The following SEC23B variants were observed in gnomAD, a reference collection of about 807,000 sequenced individuals.
SEC23B encodes the protein SEC23 homolog B, COPII component, also known as protein transport protein Sec23B.
SEC23B carries 77 observed loss-of-function variants against 104.3 expected under a neutral mutation model. That is an observed-to-expected ratio of 0.74 (90% CI 0.61 to 0.89). The LOEUF (loss-of-function observed/expected upper bound fraction) is 0.89, where lower values mean the gene tolerates loss of function less well. SEC23B is among the 40% of genes least tolerant of loss of function. The pLI is 0.00. For missense variants in SEC23B, 885 were observed against 949.4 expected (o/e 0.93, Z 0.89); for synonymous variants, 338 against 332.5 (o/e 1.02, Z -0.18).
chr20:18,523,198 G>T (rs1280931580), intron 4 of SEC23B, among the ~76,000 whole-genome samples: 1 of 152,004 alleles, frequency 6.6e-6, no homozygotes, highest in East Asian at 1.9e-4. Context: ...CCCAGTATCT[G>T]CTAGTGTCCT....
At chr20:18,537,974 C>T (rs1879311411) in intron 12 of SEC23B, among the ~76,000 whole-genome samples, 1 of 151,696 alleles carries the variant, frequency 6.6e-6, no homozygotes, top group Non-Finnish European at 1.5e-5. Flanking sequence ...AAGTCTTGTT[C>T]TATCACCCAG....
chr20:18,534,636 C>T (rs1228105037), intron 11 of SEC23B, among the ~76,000 whole-genome samples: 1 of 152,236 alleles, frequency 6.6e-6, no homozygotes, highest in African/African-American at 2.4e-5. Flanking sequence ...GAGTGTGTAG[C>T]ACAATATGAA....
At chr20:18,534,814 G>A (rs2060213552) in intron 11 of SEC23B, among the ~76,000 whole-genome samples, 1 of 152,178 alleles carries the variant, frequency 6.6e-6, no homozygotes, top group African/African-American at 2.4e-5. Context: ...GTGTATCAGT[G>A]AGAAAATGAT....
At chr20:18,555,330 A>G (rs1966926296) in intron 19 of SEC23B, among the ~76,000 whole-genome samples, 157 bp downstream of exon 19, 1 of 152,096 alleles carries the variant, frequency 6.6e-6, no homozygotes, top group African/African-American at 2.4e-5. Flanking sequence ...AACAAGTTGA[A>G]TAACATTACT....
intron 1 of SEC23B, among the ~76,000 whole-genome samples, chr20:18,508,739 A>G (rs1369562797): frequency 5.7e-4 from 8 of 14,010 alleles, no homozygotes; most frequent in Non-Finnish European, 9.1e-4. Context: ...TTTTTTTTTG[A>G]GATGGAGTCT....
rs762214067 is a variant in SEC23B at position 18,543,109 on chromosome 20, C to G, written c.1602C>G (p.Phe534Leu). 3.1e-6 allele frequency: 5 copies of G among 1,614,112 alleles called. No homozygotes were observed. The highest frequency in any genetic ancestry group is 4.2e-6 in the Non-Finnish European group (5 of 1,180,020). Residue 534 changes from phenylalanine (F) to leucine (L), a missense_variant, in exon 14 of 20, where the codon TTC becomes TTG. Coordinates refer to ENST00000650089, the MANE Select transcript of SEC23B (RefSeq NM_006363.6). ...TGTTGATGGCACGGCTTGGGGTGTT[C>G]CGAGCGGAGTCAGAGGAGGGGCCCG... ...AAVLMARLGV[F>L]RAESEEGPDV... is the part of the protein sequence containing the mutation.
rs535959517 is a variant in SEC23B at position 18,521,607 on chromosome 20, T to A, written c.367-2826T>A. 5.3e-4 allele frequency among the ~76,000 whole-genome samples: 81 copies of A among 151,498 alleles called. 1 individual carries two copies. In the South Asian group the frequency reaches 0.013, roughly 25 times the overall value. ...ACGAAATGGTAAGCCAGGCCGGGTG[T>A]GAGGAGGGGAGGTGATAGAAAGATT... On this transcript the variant is annotated intron_variant, in intron 4 of 19. Transcript: ENST00000650089.
At chr20:18,546,870 C>T (rs1005222597) in intron 15 of SEC23B, among the ~76,000 whole-genome samples, 3 of 148,286 alleles carry the variant, frequency 2.0e-5, no homozygotes, top group Non-Finnish European at 4.4e-5. Context: ...CCACCTCTAG[C>T]AGTGGGGAGT....
rs1422481618 is a variant in SEC23B at position 18,543,038 on chromosome 20, C to G, written c.1531C>G (p.Gln511Glu). Residue 511 changes from glutamine (Q) to glutamate (E), a missense_variant, in exon 14 of 20, where the codon CAG (glutamine) becomes GAG (glutamate). Physicochemically the swap from Gln to Glu is conservative, Grantham distance 29. Transcript: ENST00000650089. ...IARNWADVQS[Q>E]LRHIEAAFDQ... Reference sequence around the variant, plus strand: ...TGTCAGTTGGGCAGATGTACAGAGTCAGCTCAGGCACATAGAAGCAGCATT... The same window carrying G: ...TGTCAGTTGGGCAGATGTACAGAGTGAGCTCAGGCACATAGAAGCAGCATT... 2.5e-6 allele frequency: 4 copies of G among 1,614,074 alleles called. No individual in the cohort carries two copies. The African/African-American group carries it at 4.0e-5, about 16-fold the overall frequency.
rs892908224 is a variant in SEC23B, at chr20:18,561,207, A to G, written c.*467A>G. 1 of 188,092 alleles carries G rather than the reference A, an allele frequency of 5.3e-6. No homozygotes were observed. Among genetic ancestry groups the G allele is most frequent in the African/African-American group, 2.4e-5 (1 of 41,896 alleles). The allele number at this position is 188,092 out of a possible 1,614,324, so 11.7% of individuals were successfully genotyped here. On this transcript the variant is annotated 3_prime_UTR_variant, in exon 20 of 20. Coordinates refer to ENST00000650089, the MANE Select transcript of SEC23B (RefSeq NM_006363.6). ...CTAATTCTCATAATTAAAGTAATGT[A>G]TATGCAGGATCAAAATGAAACAAAT...
chr20:18,517,373 G>A (rs2060039193), intron 4 of SEC23B, among the ~76,000 whole-genome samples: 2 of 152,192 alleles, frequency 1.3e-5, no homozygotes, highest in Non-Finnish European at 1.5e-5. Context: ...TAAGGGTGGG[G>A]GAGATTACAA....
intron 7 of SEC23B, 95 bp downstream of exon 7, chr20:18,526,027 G>A: frequency 5.8e-6 from 8 of 1,374,528 alleles, no homozygotes; most frequent in Non-Finnish European, 8.3e-6. Context: ...TGTGATCTAA[G>A]TCAACCGTCT....
chr20:18,554,204 C>T (rs180710561), intron 17 of SEC23B, 31 bp from the exon 18 acceptor site: 2 of 1,613,766 alleles, frequency 1.2e-6, no homozygotes, highest in East Asian at 2.2e-5. Context: ...ACAGTTTCCA[C>T]AATAGTTTTG....
intron 3 of SEC23B, among the ~76,000 whole-genome samples, chr20:18,514,904 C>T (rs986193450): frequency 5.9e-5 from 9 of 152,140 alleles, no homozygotes; most frequent in African/African-American, 2.2e-4. Context: ...TGATAATAGC[C>T]AAAATAATAA....
intron 12 of SEC23B, among the ~76,000 whole-genome samples, chr20:18,539,976 C>T (rs2060273399): frequency 2.0e-5 from 3 of 151,960 alleles, no homozygotes; most frequent in Non-Finnish European, 4.4e-5. Flanking sequence ...TTATCTTGCT[C>T]CTTCCACCAC....
chr20:18,528,817 A>T (rs2060156844), intron 9 of SEC23B, among the ~76,000 whole-genome samples: 1 of 152,210 alleles, frequency 6.6e-6, no homozygotes. Context: ...CTTAGATTGT[A>T]TGCTAGTTTG....
intron 12 of SEC23B, among the ~76,000 whole-genome samples, chr20:18,536,100 C>T (rs112770040): frequency 3.3e-5 from 5 of 152,248 alleles, no homozygotes; most frequent in African/African-American, 9.6e-5. Flanking sequence ...ACGGTGAACA[C>T]GTACTACCTA....
intron 7 of SEC23B, 100 bp downstream of exon 7, chr20:18,526,032 C>A: frequency 7.5e-7 from 1 of 1,341,914 alleles, no homozygotes; most frequent in Non-Finnish European, 1.1e-6. Context: ...TCTAAGTCAA[C>A]CGTCTGTGTT....
rs867439376 is a variant in SEC23B at position 18,537,674 on chromosome 20, C to T, written c.1404+1932C>T. 3.9e-5 allele frequency among the ~76,000 whole-genome samples: 6 copies of T among 152,032 alleles called. No individual in the cohort carries two copies. The South Asian group carries it at 1.0e-3, about 26-fold the overall frequency. The stretch of plus-strand genomic sequence containing the variant: ...ATGGGTACAGCACACCAGCATGGCA[C>T]ATGTATACATATGTAACTAACCTGC... On this transcript the variant is annotated intron_variant, in intron 12 of 19. Transcript: ENST00000650089.
Sources: allele counts gnomAD v4.1 joint callset (sites outside exome capture counted in the v4.1 genomes callset), GRCh38; gene constraint gnomAD v4.1.1; transcripts MANE v1.5; gene names NCBI Gene and HGNC (gene_info 2026-07-23, HGNC 2026-07-21).